The following ADCY10 variants were observed in gnomAD, a reference collection of about 807,000 sequenced individuals.
ADCY10 encodes adenylate cyclase 10.
A neutral mutation model predicts 183.3 loss-of-function variants in ADCY10; 156 were observed. That is an observed-to-expected ratio of 0.85 (90% CI 0.75 to 0.97). ADCY10 has a LOEUF of 0.97. Among genes scored for constraint, ADCY10 ranks in the 50% least tolerant of loss-of-function variants. The probability of loss-of-function intolerance (pLI) is 0.00; values close to 1 mark genes in which losing one functional copy is unlikely to be tolerated. For synonymous variants in ADCY10, 645 were observed against 670.0 expected (o/e 0.96, Z 0.58); for missense variants, 1,745 against 1,934.3 (o/e 0.90, Z 1.84).
intron 21 of ADCY10, among the ~76,000 whole-genome samples, chr1:167,844,948 C>T (rs1005140128): frequency 3.3e-5 from 5 of 152,148 alleles, no homozygotes; most frequent in African/African-American, 1.2e-4. Flanking sequence ...ACCCATCATG[C>T]CCATAGTGAC....
chr1:167,878,991 T>A (rs203843), intron 11 of ADCY10, among the ~76,000 whole-genome samples: 28,156 of 152,178 alleles, frequency 0.19, 4,491 homozygotes, highest in African/African-American at 0.44. Flanking sequence ...GACAAGCACA[T>A]GCTTGGGCCT....
Position 167,905,013 on chromosome 1 carries a change from AGG to A in ADCY10, c.126_127del (p.Leu43AspfsTer4). On this transcript the variant is annotated frameshift_variant, in exon 2 of 33. Coordinates refer to ENST00000367851, the MANE Select transcript of ADCY10 (RefSeq NM_018417.6). LOFTEE classifies it high-confidence loss of function. The stretch of plus-strand genomic sequence containing the variant: ...CTTGCCTGAAATATCAACAAACATC[AGG>A]ACTCCGTCAAAATAATCCATAAAGG... 6.2e-7 allele frequency: 1 copy of A among 1,614,208 alleles called. No individual in the cohort carries two copies. Among genetic ancestry groups the A allele is most frequent in the Non-Finnish European group, 8.5e-7 (1 of 1,180,044 alleles).
rs749422187 is a variant in ADCY10, at chr1:167,818,145, TG to T, written c.4408del (p.Gln1470LysfsTer47). On this transcript the variant is annotated frameshift_variant, in exon 31 of 33. Transcript: ENST00000367851. LOFTEE classifies it high-confidence loss of function. The part of the protein sequence containing the change: ...YDGISRYMEG[Q>X]VLHLQKQIKE... ...GATTTGTTTTTGAAGGTGAAGAACT[TG>T]CCCCTCCATGTACCTAGATATTCCG... 6.2e-7 allele frequency: 1 copy of T among 1,614,220 alleles called. No individual in the cohort carries two copies. Among genetic ancestry groups the T allele is most frequent in the Non-Finnish European group, 8.5e-7 (1 of 1,180,030 alleles).
At chr1:167,882,821 C>T (rs550823130) in intron 9 of ADCY10, among the ~76,000 whole-genome samples, 1 of 152,234 alleles carries the variant, frequency 6.6e-6, no homozygotes, top group South Asian at 2.1e-4. Context: ...ATAAGCAAAA[C>T]GTAATCTCGC....
At chr1:167,911,033 C>T (rs1670115237) in intron 1 of ADCY10, among the ~76,000 whole-genome samples, 1 of 152,162 alleles carries the variant, frequency 6.6e-6, no homozygotes, top group East Asian at 1.9e-4. Context: ...GACTGTTTTG[C>T]TAAAGTTGTT....
In ADCY10 at chr1:167,809,697, G is replaced by C; in HGVS notation, c.4814C>G (p.Thr1605Ser). The C allele has an allele frequency of 6.2e-7, 1 of 1,614,074 alleles. No individual in the cohort carries two copies. The highest frequency in any genetic ancestry group is 8.5e-7 in the Non-Finnish European group (1 of 1,179,982). The change falls in exon 33 of 33, where the codon ACC (threonine) becomes AGC (serine). Residue 1605 changes from threonine (T) to serine (S), a missense_variant. Coordinates refer to ENST00000367851, the MANE Select transcript of ADCY10 (RefSeq NM_018417.6). The stretch of plus-strand genomic sequence containing the variant: ...GACATGTTAGAAATGATTGTCCACG[G>C]TATTAGCTCTCATCAGGAATTTGTT... Reference protein sequence around the residue: ...QKNKFLMRANTVDNHF With the variant: ...QKNKFLMRANSVDNHF
In ADCY10 at chr1:167,865,872, G is replaced by A. The variant is rs143899878; in HGVS notation, c.1616+4385C>T. Among the ~76,000 whole-genome samples the A allele has an allele frequency of 2.2e-3, 338 of 152,314 alleles. 2 individuals are homozygous for A. Among genetic ancestry groups the A allele is most frequent in the Non-Finnish European group, 4.1e-3 (280 of 68,022 alleles). On this transcript the variant is annotated intron_variant, in intron 14 of 32. Coordinates refer to ENST00000367851, the MANE Select transcript of ADCY10 (RefSeq NM_018417.6). ...TCCTCCAGTCCACCAGGCGTGGGCTGCATGGTAGCTCTTTTCCAGGATTCT... is the reference window on the plus strand; with the variant it reads ...TCCTCCAGTCCACCAGGCGTGGGCTACATGGTAGCTCTTTTCCAGGATTCT...
At chr1:167,810,614 TA>T in intron 32 of ADCY10, 110 bp downstream of exon 32, 2 of 976,992 alleles carry the variant, frequency 2.0e-6, no homozygotes, top group Non-Finnish European at 3.2e-6. Context: ...TGACCCAGTC[TA>T]AGATATTTTG....
At chr1:167,822,859 T>C (rs1662999739) in intron 29 of ADCY10, 149 bp downstream of exon 29, 2 of 734,860 alleles carry the variant, frequency 2.7e-6, no homozygotes, top group Admixed American at 4.1e-5. Context: ...GTGCTTCAGC[T>C]CACACAACCA....
rs768377891 is a variant in ADCY10 at position 167,823,123 on chromosome 1, T to C, written c.4053A>G (p.Arg1351=). Residue 1351 remains arginine, a splice_region_variant and synonymous_variant, in exon 29 of 33, where the codon AGA becomes AGG. Transcript: ENST00000367851. ...RLSRCLLLNS[R]YPQLIQVLGR... ...CCAGCACCTGGATCAATTGCGGGTA[T>C]CTATGGAAAAGAAAAGGTAGTGGCC... 11 of 1,613,818 alleles carry C rather than the reference T, an allele frequency of 6.8e-6. No homozygotes were observed. Among genetic ancestry groups the C allele is most frequent in the African/African-American group, 1.3e-5 (1 of 75,038 alleles).
Position 167,902,052 on chromosome 1 carries a change from C to T in ADCY10, c.256G>A (p.Val86Met). ...AGGATGTCTCCTCCAAAAATCAACA[C>T]TTCTGAGAAAAAAAAAAAAAATTAA... ...NYHISAIVEK[V>M]LIFGGDILKF... The change falls in exon 4 of 33, where the codon GTG (valine) becomes ATG (methionine). Residue 86 changes from valine to methionine, a missense_variant and splice_region_variant. Coordinates refer to ENST00000367851, the MANE Select transcript of ADCY10 (RefSeq NM_018417.6). 1 of 1,603,642 alleles carries T rather than the reference C, an allele frequency of 6.2e-7. No homozygotes were observed. The highest frequency in any genetic ancestry group is 2.2e-5 in the East Asian group (1 of 44,808).
rs1249083641 is a variant in ADCY10, at chr1:167,837,213, A to G, written c.3077+36T>C. 5 of 1,529,992 alleles carry G rather than the reference A, an allele frequency of 3.3e-6. No homozygotes were observed. The Admixed American group carries it at 8.3e-5, about 26-fold the overall frequency. 94.8% of individuals were successfully genotyped at this position (1,529,992 alleles called of 1,614,324 possible). On this transcript the variant is annotated intron_variant, in intron 22 of 32. Transcript: ENST00000367851. ...GTTCTGAATTTAATGACAATTATTT[A>G]TGCTCTACTTCCTAAACAATGATAT...
At chr1:167,834,410 C>T (rs1664037019) in intron 23 of ADCY10, 1 of 397,146 alleles carries the variant, frequency 2.5e-6, no homozygotes, top group Admixed American at 3.8e-5. Context: ...ATAATTCTAT[C>T]CCCAACCTCC....
At position 167,856,523 on chromosome 1, in the gene ADCY10, T is replaced by C. The variant is rs546961127; in HGVS notation, c.1897-84A>G. ...ATGTATGGGTATGCATATGTATCCATTGAGCTTCCTGGTTTGCTTATGATG... is the reference window on the plus strand; with the variant it reads ...ATGTATGGGTATGCATATGTATCCACTGAGCTTCCTGGTTTGCTTATGATG... On this transcript the variant is annotated intron_variant, in intron 16 of 32. Coordinates refer to ENST00000367851, the MANE Select transcript of ADCY10 (RefSeq NM_018417.6). 989 of 1,387,344 alleles carry C rather than the reference T, an allele frequency of 7.1e-4. 14 individuals are homozygous for C. The South Asian group carries it at 0.011, about 16-fold the overall frequency. The allele number at this position is 1,387,344 out of a possible 1,614,324, so 85.9% of individuals were successfully genotyped here.
chr1:167,887,798 T>C (rs1323628397), intron 8 of ADCY10, among the ~76,000 whole-genome samples: 3 of 151,568 alleles, frequency 2.0e-5, no homozygotes, highest in Middle Eastern at 3.4e-3. Flanking sequence ...AAACACTTGA[T>C]GTTATCCCAT....
intron 26 of ADCY10, among the ~76,000 whole-genome samples, chr1:167,827,941 T>G (rs1441319789): frequency 6.6e-6 from 1 of 151,416 alleles, no homozygotes; most frequent in Admixed American, 6.6e-5. Context: ...CTCGAACTCC[T>G]GACCTCACGT....
chr1:167,903,808 T>C, intron 3 of ADCY10, 79 bp downstream of exon 3: 1 of 1,030,720 alleles, frequency 9.7e-7, no homozygotes. Context: ...AATTGTACTC[T>C]ATCAGGTTAT....
intron 16 of ADCY10, 127 bp downstream of exon 16, chr1:167,859,680 T>C: frequency 1.3e-6 from 1 of 795,118 alleles, no homozygotes; most frequent in Non-Finnish European, 2.3e-6. Context: ...TGAAGCACTT[T>C]AGGACAAAGC....
At chr1:167,913,603 C>T (rs1247202900) in intron 1 of ADCY10, among the ~76,000 whole-genome samples, 1 of 152,164 alleles carries the variant, frequency 6.6e-6, no homozygotes, top group Non-Finnish European at 1.5e-5. Flanking sequence ...GTAAGCTCCC[C>T]GTTTGGAACC....
Sources: gnomAD v4.1 joint callset for allele counts (sites outside exome capture counted in the v4.1 genomes callset) on GRCh38, gnomAD v4.1.1 for gene constraint, MANE v1.5 for transcripts, NCBI Gene and HGNC (gene_info 2026-07-23, HGNC 2026-07-21) for gene names.